Variants in GSTM2 observed in about 807,000 individuals in gnomAD.
The protein encoded by GSTM2 is GST class-mu 2.
In GSTM2, 33 loss-of-function variants were observed where a neutral mutation model predicts 33.3. The ratio of observed to expected loss-of-function variants is 0.99; its 90% CI spans 0.75 to 1.33. The LOEUF (loss-of-function observed/expected upper bound fraction) is 1.33, where lower values mean the gene tolerates loss of function less well. Ranked by LOEUF, GSTM2 falls within the 40% of genes most tolerant of loss-of-function variation. The probability of loss-of-function intolerance (pLI) is 0.00; values close to 1 mark genes in which losing one functional copy is unlikely to be tolerated. For missense variants in GSTM2, 213 were observed against 265.8 expected, an observed-to-expected ratio of 0.80 and a Z score of 1.38; for synonymous variants, 93 against 95.6, an observed-to-expected ratio of 0.97 and a Z score of 0.16.
At position 109,680,474 on chromosome 1, in the gene GSTM2, C is replaced by T. The variant is rs906243536; in HGVS notation, c.567+8891C>T. On this transcript the variant is annotated intron_variant, in intron 7 of 7. Transcript: ENST00000369831. ...GATATTATCTTTCCTGGTAAATCTC[C>T]GTGTTGATGATCATTGTTTTAAAGT... is the stretch of plus-strand genomic sequence containing the variant. Among the ~76,000 whole-genome samples the T allele has an allele frequency of 1.0e-4, 15 of 144,756 alleles. 1 individual carries two copies. Among genetic ancestry groups the T allele is most frequent in the African/African-American group, 2.5e-4 (10 of 39,798 alleles). The allele number at this position is 144,756 out of a possible 152,430, so 95.0% of individuals were successfully genotyped here.
chr1:109,670,588 T>C (rs1174263724), intron 5 of GSTM2: 2 of 152,304 alleles, frequency 1.3e-5, no homozygotes, highest in African/African-American at 4.8e-5. Flanking sequence ...AATGGTTACT[T>C]CCAGAATCCC....
At chr1:109,676,158 G>C (rs1171261782), downstream of GSTM2, among the ~76,000 whole-genome samples, 1 of 152,196 alleles carries the variant, frequency 6.6e-6, no homozygotes, top group Non-Finnish European at 1.5e-5. Context: ...CCCCACCCTT[G>C]ACACCTGGGG....
chr1:109,674,243 G>T (rs1408047038), intron 7 of GSTM2, among the ~76,000 whole-genome samples: 1 of 152,056 alleles, frequency 6.6e-6, no homozygotes. Context: ...GAGACTGTTT[G>T]TGCAGTCAAG....
At chr1:109,670,671 A>T (rs539319656) in intron 5 of GSTM2, 12 of 152,960 alleles carry the variant, frequency 7.8e-5, no homozygotes, top group African/African-American at 2.6e-4. Context: ...CTGCTTTAGG[A>T]ATACACAAAC....
chr1:109,676,144 C>T (rs619674), downstream of GSTM2, among the ~76,000 whole-genome samples: 145,986 of 152,198 alleles, frequency 0.96, 70,064 homozygotes, highest in East Asian at 1. Flanking sequence ...TTTCTGCACC[C>T]GGCCCCCACC....
chr1:109,678,657 G>A (rs1235932372), downstream of GSTM2, among the ~76,000 whole-genome samples: 1 of 151,356 alleles, frequency 6.6e-6, no homozygotes, highest in Non-Finnish European at 1.5e-5. Flanking sequence ...CTACTCAAGA[G>A]GCTGAGGCAG....
chr1:109,674,330 A>ATC, intron 7 of GSTM2, among the ~76,000 whole-genome samples: 1 of 152,030 alleles, frequency 6.6e-6, no homozygotes, highest in African/African-American at 2.4e-5. Context: ...AGAACTGGAG[A>ATC]GAGACAGAAC....
At chr1:109,677,049 C>T (rs1411633135), downstream of GSTM2, among the ~76,000 whole-genome samples, 1 of 152,096 alleles carries the variant, frequency 6.6e-6, no homozygotes, top group Non-Finnish European at 1.5e-5. Flanking sequence ...CAAGCATTTC[C>T]CAAAAGTGAA....
At position 109,668,165 on chromosome 1, in the gene GSTM2, C is replaced by A. The variant is rs931120267; in HGVS notation, c.36+14C>A. On this transcript the variant is annotated intron_variant, in intron 1 of 7. Transcript: ENST00000241337. The stretch of plus-strand genomic sequence containing the variant: ...AACATCCGCGGGGTGAGCCAGGGTC[C>A]GCTGGGCGGTGGGACGGGGGTGCGT... The A allele has an allele frequency of 6.2e-7, 1 of 1,607,342 alleles. No homozygotes were observed. Among genetic ancestry groups the A allele is most frequent in the African/African-American group, 1.3e-5 (1 of 74,658 alleles).
intron 5 of GSTM2, chr1:109,670,548 C>T (rs1647500185): frequency 6.6e-6 from 1 of 152,198 alleles, no homozygotes; most frequent in Non-Finnish European, 1.5e-5. Flanking sequence ...ATCCTGACTC[C>T]CCAGGGTATG....
At chr1:109,671,680 AT>A in intron 7 of GSTM2, 97 bp downstream of exon 7, 1 of 846,036 alleles carries the variant, frequency 1.2e-6, no homozygotes, top group Non-Finnish European at 2.1e-6. Context: ...AATAACTCAC[AT>A]TTTTGGCCAT....
At chr1:109,674,329 G>A (rs573051886) in intron 7 of GSTM2, among the ~76,000 whole-genome samples, 1 of 152,042 alleles carries the variant, frequency 6.6e-6, no homozygotes, top group South Asian at 2.1e-4. Context: ...CAGAACTGGA[G>A]AGAGACAGAA....
At chr1:109,673,389 CA>C in intron 7 of GSTM2, 1 of 1,032,902 alleles carries the variant, frequency 9.7e-7, no homozygotes, top group Non-Finnish European at 1.4e-6. Context: ...TGTTTGAGAG[CA>C]GCAAATCCTA....
chr1:109,676,178 A>G (rs1570631764), downstream of GSTM2, among the ~76,000 whole-genome samples: 1 of 152,172 alleles, frequency 6.6e-6, no homozygotes, highest in African/African-American at 2.4e-5. Context: ...GATTATTACA[A>G]TTCAAGGTAA....
At chr1:109,676,562 A>G (rs1433033643), downstream of GSTM2, among the ~76,000 whole-genome samples, 1 of 152,084 alleles carries the variant, frequency 6.6e-6, no homozygotes, top group Non-Finnish European at 1.5e-5. Context: ...CATGTTGGCC[A>G]TGCTGGTCTC....
At chr1:109,677,318 C>T (rs933334515), downstream of GSTM2, among the ~76,000 whole-genome samples, 7 of 152,170 alleles carry the variant, frequency 4.6e-5, no homozygotes, top group East Asian at 1.9e-4. Context: ...GGAATGAGTC[C>T]TAATGGATTC....
chr1:109,668,228 C>G (rs1033913947), intron 1 of GSTM2, 77 bp downstream of exon 1: 43 of 1,471,376 alleles, frequency 2.9e-5, no homozygotes, highest in Non-Finnish European at 3.9e-5. Context: ...AGGACGGGCT[C>G]TAGGGACGGT....
At position 109,674,766 on chromosome 1, in the gene GSTM2, C is replaced by A. The variant is rs1217221217; in HGVS notation, c.587C>A (p.Ala196Asp). ...SRFEGLEKIS[A>D]YMKSSRFLPR... ...TCTCAGGGCTTGGAGAAGATCTCTG[C>A]CTACATGAAGTCCAGCCGCTTCCTC... Residue 196 changes from alanine (A) to aspartate (D), a missense_variant, in exon 8 of 8, where the codon GCC (alanine) becomes GAC (aspartate). Transcript: ENST00000241337. 1.9e-6 allele frequency: 3 copies of A among 1,614,078 alleles called. No individual in the cohort carries two copies. Among genetic ancestry groups the A allele is most frequent in the Non-Finnish European group, 2.5e-6 (3 of 1,180,042 alleles).
At chr1:109,673,378 T>G in intron 7 of GSTM2, 1 of 1,190,832 alleles carries the variant, frequency 8.4e-7, no homozygotes, top group Non-Finnish European at 1.2e-6. Flanking sequence ...TGTGCTGAAC[T>G]TGTTTGAGAG....
Sources: allele counts gnomAD v4.1 joint callset (sites outside exome capture counted in the v4.1 genomes callset), GRCh38; gene constraint gnomAD v4.1.1; transcripts MANE v1.5; gene names NCBI Gene and HGNC (gene_info 2026-07-23, HGNC 2026-07-21).